The following PDE1C variants were observed in gnomAD, a reference collection of about 807,000 sequenced individuals.
PDE1C encodes the protein phosphodiesterase 1C, also known as dual specificity calcium/calmodulin-dependent 3',5'-cyclic nucleotide phosphodiesterase 1C.
PDE1C carries 62 observed loss-of-function variants against 93.1 expected under a neutral mutation model. The observed-to-expected ratio is 0.67, with a 90% confidence interval of 0.54 to 0.82. PDE1C has a LOEUF of 0.82. Ranked by LOEUF, PDE1C falls within the 40% of genes least tolerant of loss-of-function variation. The pLI is 0.00. For missense variants in PDE1C, 742 were observed against 884.6 expected (o/e 0.84, Z 2.04); for synonymous variants, 325 against 310.1 (o/e 1.05, Z -0.50).
At chr7:31,772,516 T>C (rs1040422142) in intron 17 of PDE1C, among the ~76,000 whole-genome samples, 5 of 152,080 alleles carry the variant, frequency 3.3e-5, no homozygotes, top group Admixed American at 6.5e-5. Context: ...CTCTCTCTTT[T>C]TTTTTTTTCT....
At chr7:31,935,464 C>G (rs1804912770) in intron 2 of PDE1C, among the ~76,000 whole-genome samples, 1 of 152,104 alleles carries the variant, frequency 6.6e-6, no homozygotes, top group Non-Finnish European at 1.5e-5. Flanking sequence ...AGTTCATACA[C>G]CTGAAAGGAA....
intron 6 of PDE1C, among the ~76,000 whole-genome samples, chr7:31,866,994 T>C (rs183136674): frequency 1.1e-4 from 17 of 152,134 alleles, no homozygotes; most frequent in South Asian, 1.0e-3. Context: ...CCTACCCAGC[T>C]ACAGCAAGGC....
Position 32,128,916 on chromosome 7 carries a change from T to A in PDE1C, c.308+40869A>T, listed in dbSNP as rs1297322028. Among the ~76,000 whole-genome samples the A allele has an allele frequency of 6.0e-4, 27 of 45,004 alleles. 1 individual carries two copies. Among genetic ancestry groups the A allele is most frequent in the African/African-American group, 2.2e-3 (24 of 11,110 alleles). The allele number at this position is 45,004 out of a possible 152,430, so 29.5% of individuals were successfully genotyped here. A position where few individuals can be genotyped will look rare whatever the true frequency, so the allele number is the denominator to read the frequency against. Reference sequence around the variant, plus strand: ...ACTTAAAGTATAACAAATATATATATATATATATATATATATATATATATA... The same window carrying A: ...ACTTAAAGTATAACAAATATATATAAATATATATATATATATATATATATA... On this transcript the variant is annotated intron_variant, in intron 3 of 18. Transcript: ENST00000396193.
At chr7:32,187,950 T>G (rs1803989656) in intron 2 of PDE1C, among the ~76,000 whole-genome samples, 1 of 152,222 alleles carries the variant, frequency 6.6e-6, no homozygotes, top group Non-Finnish European at 1.5e-5. Flanking sequence ...ACAGAATTTA[T>G]TTTGATTCCT....
intron 3 of PDE1C, among the ~76,000 whole-genome samples, chr7:32,137,861 T>C (rs567338909): frequency 3.8e-4 from 58 of 152,288 alleles, no homozygotes; most frequent in African/African-American, 1.3e-3. Context: ...TGGTTACTTA[T>C]AGTAAGTAAG....
chr7:32,313,786 G>A (rs1221670189), intron 1 of PDE1C, among the ~76,000 whole-genome samples: 2 of 150,634 alleles, frequency 1.3e-5, no homozygotes, highest in Admixed American at 6.6e-5. Flanking sequence ...GGTAGCATTA[G>A]GAGATATACC....
At chr7:31,991,834 G>A (rs1784175272) in intron 2 of PDE1C, among the ~76,000 whole-genome samples, 1 of 152,214 alleles carries the variant, frequency 6.6e-6, no homozygotes, top group African/African-American at 2.4e-5. Flanking sequence ...TTTTCTACTA[G>A]TAGCATACTT....
intron 1 of PDE1C, among the ~76,000 whole-genome samples, chr7:32,274,814 TA>T (rs1464943826): frequency 6.6e-6 from 1 of 152,180 alleles, no homozygotes; most frequent in Non-Finnish European, 1.5e-5. Context: ...ATCAGAAAAA[TA>T]GCTCATCCTG....
intron 17 of PDE1C, among the ~76,000 whole-genome samples, chr7:31,762,647 C>T (rs2128610386): frequency 6.6e-6 from 1 of 152,256 alleles, no homozygotes; most frequent in African/African-American, 2.4e-5. Context: ...TCCCCATTAC[C>T]TACATTTTTA....
chr7:32,045,137 G>A (rs918704436), intron 2 of PDE1C, among the ~76,000 whole-genome samples: 6 of 144,518 alleles, frequency 4.2e-5, no homozygotes, highest in African/African-American at 1.5e-4. Context: ...AGTAGTGAAT[G>A]AGTGATGGCT....
chr7:32,006,742 T>C (rs74788017), intron 2 of PDE1C, among the ~76,000 whole-genome samples: 2,551 of 152,322 alleles, frequency 0.017, 70 homozygotes, highest in African/African-American at 0.059. Context: ...GGCAAAGAGC[T>C]GCACTTATGG....
At chr7:32,354,622 G>A (rs1390159089) in intron 1 of PDE1C, among the ~76,000 whole-genome samples, 4 of 152,150 alleles carry the variant, frequency 2.6e-5, no homozygotes, top group African/African-American at 4.8e-5. Context: ...AAAAATCCTT[G>A]CAGGGGAAGA....
chr7:31,915,074 C>G (rs1337608204), intron 2 of PDE1C, among the ~76,000 whole-genome samples: 1 of 152,196 alleles, frequency 6.6e-6, no homozygotes, highest in African/African-American at 2.4e-5. Context: ...CAAATATTCA[C>G]TCATCCCATC....
At chr7:32,084,966 T>G (rs1365834436) in intron 3 of PDE1C, among the ~76,000 whole-genome samples, 1 of 140,564 alleles carries the variant, frequency 7.1e-6, no homozygotes, top group African/African-American at 2.7e-5. Flanking sequence ...AGCAAACACA[T>G]TCAAAAGCTA....
chr7:32,186,821 G>A (rs1803917574), intron 2 of PDE1C, among the ~76,000 whole-genome samples: 1 of 152,054 alleles, frequency 6.6e-6, no homozygotes. Flanking sequence ...CTAATTTAAA[G>A]AAAAGGACCA....
chr7:32,168,090 CAATA>C (rs148238877), intron 3 of PDE1C, among the ~76,000 whole-genome samples: 8 of 151,846 alleles, frequency 5.3e-5, no homozygotes, highest in African/African-American at 1.9e-4. Context: ...TTAAGGGTAC[CAATA>C]AATAAATAAA....
intron 1 of PDE1C, among the ~76,000 whole-genome samples, chr7:32,350,235 T>C (rs1324640270): frequency 1.3e-5 from 2 of 152,188 alleles, no homozygotes; most frequent in East Asian, 1.9e-4. Context: ...TCACAGCCAA[T>C]TGTGTCCTTT....
intron 1 of PDE1C, among the ~76,000 whole-genome samples, chr7:32,371,324 C>T (rs1242762128): frequency 6.6e-6 from 1 of 152,214 alleles, no homozygotes; most frequent in African/African-American, 2.4e-5. Context: ...CCGTTACATG[C>T]CCACTAAGCA....
At chr7:32,318,083 C>T (rs2128906235) in intron 1 of PDE1C, among the ~76,000 whole-genome samples, 1 of 152,290 alleles carries the variant, frequency 6.6e-6, no homozygotes, top group Admixed American at 6.5e-5. Context: ...TGCGTAACAA[C>T]ACTTCATAAA....
Sources: gnomAD v4.1 joint callset for allele counts (sites outside exome capture counted in the v4.1 genomes callset) on GRCh38, gnomAD v4.1.1 for gene constraint, MANE v1.5 for transcripts, NCBI Gene and HGNC (gene_info 2026-07-23, HGNC 2026-07-21) for gene names.